BMX: variants seen among roughly 807,000 people sequenced by gnomAD.
BMX encodes the protein cytoplasmic tyrosine-protein kinase BMX.
BMX carries 31 observed loss-of-function variants against 59.2 expected under a neutral mutation model. That is an observed-to-expected ratio of 0.52 (90% confidence interval 0.39 to 0.71). The LOEUF (loss-of-function observed/expected upper bound fraction) is 0.71, where lower values mean the gene tolerates loss of function less well. Ranked by LOEUF, BMX falls within the 30% of genes least tolerant of loss-of-function variation. The pLI is 0.00. For synonymous variants in BMX, 185 were observed against 181.0 expected, an observed-to-expected ratio of 1.02 and a Z score of -0.18; for missense variants, 474 against 491.7, an observed-to-expected ratio of 0.96 and a Z score of 0.34.
At position 15,549,921 on chromosome X, in the gene BMX, C is replaced by T; in HGVS notation, c.1877C>T (p.Ser626Phe). 2 of 1,210,115 alleles carry T rather than the reference C, an allele frequency of 1.7e-6. No homozygotes were observed. The highest frequency in any genetic ancestry group is 2.2e-6 in the Non-Finnish European group (2 of 894,754). ...AACTCCCAGGTGGTTCTGAAGGTCT[C>T]CCAGGGCCACAGGCTTTACCGGCCC... is the stretch of plus-strand genomic sequence containing the variant. ...YDNSQVVLKV[S>F]QGHRLYRPHL... The change falls in exon 18 of 19, where the codon TCC (serine) becomes TTC (phenylalanine). Residue 626 changes from serine (S) to phenylalanine (F), a missense_variant. Physicochemically the swap from Ser to Phe is radical, Grantham distance 155. Coordinates refer to ENST00000348343, the MANE Select transcript of BMX (RefSeq NM_203281.3).
chrX:15,507,606 A>T (rs1202289298), intron 1 of BMX, among the ~76,000 whole-genome samples: 3 of 112,400 alleles, frequency 2.7e-5, no homozygotes, highest in African/African-American at 9.7e-5. Flanking sequence ...TAGTAGAATT[A>T]GAAAATTAAT....
At chrX:15,539,890 C>T (rs1362659056) in intron 14 of BMX, among the ~76,000 whole-genome samples, 1 of 112,155 alleles carries the variant, frequency 8.9e-6, no homozygotes, top group African/African-American at 3.2e-5. Context: ...TACCATTTCA[C>T]GCCATTTAGA....
intron 3 of BMX, among the ~76,000 whole-genome samples, chrX:15,510,599 A>C (rs1278443376): frequency 8.9e-6 from 1 of 111,888 alleles, no homozygotes; most frequent in Non-Finnish European, 1.9e-5. Context: ...AACTCACCTC[A>C]TAGAGGCATA....
At chrX:15,505,937 A>AT (rs1369241308) in intron 1 of BMX, among the ~76,000 whole-genome samples, 1 of 110,247 alleles carries the variant, frequency 9.1e-6, no homozygotes, top group Admixed American at 9.7e-5. Context: ...ATTATTATTA[A>AT]TTTTTTTTGG....
chrX:15,507,453 A>G, intron 1 of BMX: 3 of 611,700 alleles, frequency 4.9e-6, no homozygotes, highest in Non-Finnish European at 5.9e-6. Context: ...GATTTTAACT[A>G]TTGGGCATGT....
In BMX at chrX:15,516,239, G is replaced by A. The variant is rs747300693; in HGVS notation, c.445+8G>A. 8.3e-7 allele frequency: 1 copy of A among 1,207,406 alleles called. No homozygotes were observed. Among genetic ancestry groups the A allele is most frequent in the East Asian group, 3.0e-5 (1 of 33,782 alleles). On this transcript the variant is annotated splice_region_variant and intron_variant, in intron 5 of 18. Coordinates refer to ENST00000348343, the MANE Select transcript of BMX (RefSeq NM_203281.3). ...GTACCCTCTGGGAAGCATGTAATGT[G>A]TGATTCCTCTGTTGGACTGGACGTT... is the stretch of plus-strand genomic sequence containing the variant.
Position 15,509,404 on chromosome X carries a change from A to G in BMX, c.214A>G (p.Thr72Ala). ...GGAGAAAGTAAATCTCGAGGAGCAG[A>G]CGCCTGTAGAGAGACAGTACCCATT... is the stretch of plus-strand genomic sequence containing the variant. The part of the protein sequence containing the change: ...CVEKVNLEEQ[T>A]PVERQYPFQI... Residue 72 changes from threonine to alanine, a missense_variant, in exon 3 of 19, where the codon ACG (threonine) becomes GCG (alanine). Physicochemically the swap from Thr to Ala is moderately conservative, Grantham distance 58 (BLOSUM62 0). Coordinates refer to ENST00000348343, the MANE Select transcript of BMX (RefSeq NM_203281.3). The G allele has an allele frequency of 8.3e-7, 1 of 1,205,580 alleles. No individual in the cohort carries two copies. Among genetic ancestry groups the G allele is most frequent in the East Asian group, 3.0e-5 (1 of 33,675 alleles).
At chrX:15,547,261 C>G (rs1430401257) in intron 17 of BMX, among the ~76,000 whole-genome samples, 2 of 111,908 alleles carry the variant, frequency 1.8e-5, no homozygotes, top group Admixed American at 9.5e-5. Flanking sequence ...TTAGAAACAT[C>G]AAAGGGGATG....
At chrX:15,524,007 A>C (rs1268290562) in intron 7 of BMX, among the ~76,000 whole-genome samples, 1 of 112,385 alleles carries the variant, frequency 8.9e-6, no homozygotes, top group Non-Finnish European at 1.9e-5. Flanking sequence ...GACTTTTTAA[A>C]GTGCAGCCAT....
intron 15 of BMX, 55 bp from the exon 16 acceptor site, chrX:15,543,016 G>T (rs770013138): frequency 1.0e-5 from 11 of 1,102,428 alleles, no homozygotes; most frequent in Non-Finnish European, 1.4e-5. Context: ...GGAGGAAAAT[G>T]TCAGGAGATT....
At chrX:15,522,294 T>C in intron 6 of BMX, 52 bp from the exon 7 acceptor site, 3 of 1,187,377 alleles carry the variant, frequency 2.5e-6, no homozygotes, top group Non-Finnish European at 3.4e-6. Flanking sequence ...CAGTTCCCGG[T>C]ACCTGAATCT....
chrX:15,534,049 A>G (rs1925212772), intron 11 of BMX, among the ~76,000 whole-genome samples, 163 bp from the exon 12 acceptor site: 2 of 111,450 alleles, frequency 1.8e-5, no homozygotes, highest in Admixed American at 9.6e-5. Context: ...TTATAGTTAC[A>G]CCAGATTTCA....
chrX:15,541,990 G>C lies in BMX; in HGVS notation c.1403G>C (p.Ser468Thr), dbSNP rs759995462. 6.2e-5 allele frequency: 75 copies of C among 1,207,084 alleles called. 2 individuals are homozygous for C. In the South Asian group the frequency reaches 1.2e-3, roughly 20 times the overall value. Residue 468 changes from serine to threonine, a missense_variant, in exon 15 of 19, where the codon AGC becomes ACC. By Grantham distance (58) the Ser-to-Thr change is moderately conservative. Transcript: ENST00000348343. ...AAATCTGTTATTTCCAGGAAACTCA[G>C]CCATCCCAAGCTGGTTAAATTCTAT... ...FQEAQTMMKL[S>T]HPKLVKFYGV...
chrX:15,549,428 C>T (rs1019247247), intron 17 of BMX, among the ~76,000 whole-genome samples: 4 of 112,067 alleles, frequency 3.6e-5, no homozygotes, highest in Admixed American at 9.4e-5. Context: ...AGCCGAGAGA[C>T]GGAATGGGTG....
chrX:15,522,832 C>T (rs1358508119), intron 7 of BMX, among the ~76,000 whole-genome samples: 1 of 112,094 alleles, frequency 8.9e-6, no homozygotes, highest in Non-Finnish European at 1.9e-5. Context: ...CCTTCCCTTT[C>T]TCCTCCTTCT....
chrX:15,543,981 T>C (rs1483582325), intron 16 of BMX, among the ~76,000 whole-genome samples: 1 of 111,828 alleles, frequency 8.9e-6, no homozygotes, highest in African/African-American at 3.3e-5. Flanking sequence ...CTGCAGGAGA[T>C]ACTGATATGA....
At chrX:15,552,040 G>A (rs1601673563) in intron 18 of BMX, among the ~76,000 whole-genome samples, 2 of 112,197 alleles carry the variant, frequency 1.8e-5, no homozygotes, top group South Asian at 3.7e-4. Flanking sequence ...ACTTTCTAGT[G>A]TACAAGACAC....
At chrX:15,514,899 T>C (rs1285199842) in intron 4 of BMX, among the ~76,000 whole-genome samples, 1 of 111,284 alleles carries the variant, frequency 9.0e-6, no homozygotes, top group African/African-American at 3.3e-5. Context: ...AAGTGAGTGA[T>C]TATAAAGGCC....
At chrX:15,539,190 C>T (rs1239413786) in intron 14 of BMX, among the ~76,000 whole-genome samples, 1 of 110,505 alleles carries the variant, frequency 9.0e-6, no homozygotes, top group Non-Finnish European at 1.9e-5. Context: ...GTTACAGGCT[C>T]ATGATGTAAC....
Sources: allele counts gnomAD v4.1 joint callset (sites outside exome capture counted in the v4.1 genomes callset), GRCh38; gene constraint gnomAD v4.1.1; transcripts MANE v1.5; gene names NCBI Gene and HGNC (gene_info 2026-07-23, HGNC 2026-07-21).